YEATS2: variants seen among roughly 807,000 people sequenced by gnomAD.
YEATS2 encodes the protein YEATS domain-containing protein 2.
A neutral mutation model predicts 163.2 loss-of-function variants in YEATS2; 77 were observed. That is an observed-to-expected ratio of 0.47 (90% CI 0.39 to 0.57). YEATS2 has a LOEUF of 0.57. Among genes scored for constraint, YEATS2 ranks in the 20% least tolerant of loss-of-function variants. The pLI is 0.00. For synonymous variants in YEATS2, 631 were observed against 645.1 expected (o/e 0.98, Z 0.33); for missense variants, 1,549 against 1,729.8 (o/e 0.90, Z 1.85).
At chr3:183,738,556 C>G (rs1479313891) in intron 8 of YEATS2, among the ~76,000 whole-genome samples, 1 of 110,734 alleles carries the variant, frequency 9.0e-6, no homozygotes, top group African/African-American at 3.4e-5. Context: ...TCCCCCCTCC[C>G]CCCACCCCAC....
chr3:183,721,349 T>A (rs141898829), intron 4 of YEATS2, among the ~76,000 whole-genome samples: 2 of 152,204 alleles, frequency 1.3e-5, no homozygotes, highest in Non-Finnish European at 1.5e-5. Flanking sequence ...TATCACATAA[T>A]AACAGAATAC....
At chr3:183,744,270 G>T (rs771782812) in intron 8 of YEATS2, among the ~76,000 whole-genome samples, 13 of 151,494 alleles carry the variant, frequency 8.6e-5, no homozygotes, top group Non-Finnish European at 1.6e-4. Flanking sequence ...CCGCCACCAC[G>T]CACGGCTAAT....
At chr3:183,808,006 A>G in intron 28 of YEATS2, 24 bp from the exon 29 acceptor site, 1 of 1,550,066 alleles carries the variant, frequency 6.5e-7, no homozygotes, top group Non-Finnish European at 8.7e-7. Flanking sequence ...GATACGAACA[A>G]ACGGCTTTCT....
intron 1 of YEATS2, among the ~76,000 whole-genome samples, chr3:183,699,292 G>T (rs1447283073): frequency 6.6e-6 from 1 of 151,830 alleles, no homozygotes; most frequent in South Asian, 2.1e-4. Context: ...AATTTGAGGT[G>T]GGAAAAACGA....
At chr3:183,725,115 A>G (rs904933019) in intron 6 of YEATS2, among the ~76,000 whole-genome samples, 14 of 118,560 alleles carry the variant, frequency 1.2e-4, no homozygotes, top group African/African-American at 2.7e-4. Flanking sequence ...TAGGTATCCT[A>G]TTTTTCATTT....
chr3:183,710,353 G>A (rs908564840), intron 1 of YEATS2, among the ~76,000 whole-genome samples: 2 of 152,152 alleles, frequency 1.3e-5, no homozygotes, highest in Admixed American at 1.3e-4. Context: ...ATCATCATGA[G>A]AGCATGCCTC....
chr3:183,739,112 A>G (rs190764190), intron 8 of YEATS2, among the ~76,000 whole-genome samples: 172 of 151,842 alleles, frequency 1.1e-3, no homozygotes, highest in African/African-American at 3.6e-3. Flanking sequence ...GTGTGAGATG[A>G]TATCTCATAG....
intron 21 of YEATS2, among the ~76,000 whole-genome samples, chr3:183,796,462 G>A (rs1725165475): frequency 6.6e-6 from 1 of 151,194 alleles, no homozygotes; most frequent in African/African-American, 2.4e-5. Flanking sequence ...AATGAGAGAA[G>A]GTGATCCTTT....
intron 7 of YEATS2, among the ~76,000 whole-genome samples, chr3:183,730,271 G>C (rs533305746): frequency 1.3e-5 from 2 of 151,438 alleles, no homozygotes; most frequent in African/African-American, 4.8e-5. Flanking sequence ...TGCCATGTTG[G>C]CCAGGCTGGT....
intron 8 of YEATS2, 85 bp downstream of exon 8, chr3:183,736,914 A>C: frequency 8.4e-7 from 1 of 1,191,098 alleles, no homozygotes. Context: ...GCGGTTAAGG[A>C]CCCCCTCGCA....
intron 21 of YEATS2, among the ~76,000 whole-genome samples, chr3:183,795,005 T>TTA (rs538692151): frequency 1.4e-5 from 2 of 144,196 alleles, no homozygotes; most frequent in East Asian, 2.0e-4. Flanking sequence ...CCCCATTTCT[T>TTA]AAAAAAAAAA....
chr3:183,799,140 C>T (rs1395224741), intron 23 of YEATS2, 151 bp downstream of exon 23: 1 of 674,988 alleles, frequency 1.5e-6, no homozygotes, highest in African/African-American at 1.8e-5. Flanking sequence ...AGTCACTTGG[C>T]AAATATGTCC....
chr3:183,807,829 A>T (rs1382047360), intron 28 of YEATS2: 1 of 548,156 alleles, frequency 1.8e-6, no homozygotes, highest in Non-Finnish European at 3.3e-6. Context: ...TTTAAATATC[A>T]GCCAGAAATG....
At chr3:183,733,204 G>C (rs1306426258) in intron 7 of YEATS2, among the ~76,000 whole-genome samples, 1 of 152,188 alleles carries the variant, frequency 6.6e-6, no homozygotes, top group Non-Finnish European at 1.5e-5. Flanking sequence ...GGCTGGTTTT[G>C]TTTGGAAGTT....
intron 8 of YEATS2, among the ~76,000 whole-genome samples, chr3:183,743,118 C>G (rs1030212179): frequency 3.3e-5 from 5 of 152,168 alleles, no homozygotes; most frequent in Admixed American, 1.3e-4. Flanking sequence ...GTATTCACTT[C>G]ATTGCAGTAG....
intron 1 of YEATS2, among the ~76,000 whole-genome samples, chr3:183,701,594 A>G (rs1714099656): frequency 1.3e-5 from 2 of 150,994 alleles, no homozygotes; most frequent in South Asian, 2.1e-4. Context: ...AGGTCTCCCT[A>G]TGTTGTCCAG....
intron 20 of YEATS2, among the ~76,000 whole-genome samples, chr3:183,789,525 ATTTTTTTTTTTTTTT>A (rs143473253): frequency 7.5e-5 from 5 of 66,350 alleles, no homozygotes; most frequent in African/African-American, 3.4e-4. Context: ...ATTCGAGTTA[ATTTTTTTTTTTTTTT>A]TTTTTTTTTT....
At chr3:183,722,634 A>G (rs1194893906) in intron 5 of YEATS2, among the ~76,000 whole-genome samples, 1 of 150,640 alleles carries the variant, frequency 6.6e-6, no homozygotes, top group Non-Finnish European at 1.5e-5. Context: ...AAGTGTCAGA[A>G]CTGCGAATTA....
At chr3:183,789,973 G>A (rs1217164616) in intron 20 of YEATS2, among the ~76,000 whole-genome samples, 1 of 152,196 alleles carries the variant, frequency 6.6e-6, no homozygotes, top group East Asian at 1.9e-4. Context: ...AGACTTGAAT[G>A]ATGTGGCTTG....
Sources: gnomAD v4.1 joint callset for allele counts (sites outside exome capture counted in the v4.1 genomes callset) on GRCh38, gnomAD v4.1.1 for gene constraint, MANE v1.5 for transcripts, NCBI Gene and HGNC (gene_info 2026-07-23, HGNC 2026-07-21) for gene names.